The following BCAS1 variants were observed in gnomAD, a reference collection of about 807,000 sequenced individuals.
BCAS1 encodes breast carcinoma-amplified sequence 1.
Under a neutral mutation model 65.4 loss-of-function variants are expected in BCAS1, and 46 were observed. The ratio of observed to expected loss-of-function variants is 0.70; its 90% CI spans 0.55 to 0.90. BCAS1 has a LOEUF of 0.90. Ranked by LOEUF, BCAS1 falls within the 40% of genes least tolerant of loss-of-function variation. The pLI is 0.00. For synonymous variants in BCAS1, 298 were observed against 293.5 expected (o/e 1.02, Z -0.16); for missense variants, 793 against 771.2 (o/e 1.03, Z -0.33).
chr20:53,998,720 C>T (rs2090982973), intron 4 of BCAS1, among the ~76,000 whole-genome samples: 1 of 152,200 alleles, frequency 6.6e-6, no homozygotes, highest in South Asian at 2.1e-4. Context: ...ACATGTACAC[C>T]AGTGCTTTCT....
chr20:53,986,136 A>C (rs2090609811), intron 7 of BCAS1, among the ~76,000 whole-genome samples: 1 of 152,080 alleles, frequency 6.6e-6, no homozygotes, highest in East Asian at 1.9e-4. Flanking sequence ...CCACAATTAA[A>C]ACTTCTTGAA....
chr20:54,022,299 G>T (rs983769827), intron 4 of BCAS1, among the ~76,000 whole-genome samples: 1 of 152,162 alleles, frequency 6.6e-6, no homozygotes. Context: ...GTGTGTGTGT[G>T]TGTGTGTTTC....
In BCAS1 at chr20:53,953,674, T is replaced by G; in HGVS notation, c.1573A>C (p.Thr525Pro). ...SCQTSDSTEK[T>P]ITPPEPEPTG... The stretch of plus-strand genomic sequence containing the variant: ...GGTTCAGGCTCTGGCGGTGTGATAG[T>G]CTTTTCTGTGGAGTCTGATGTCTAC... Residue 525 changes from threonine to proline, a missense_variant, in exon 12 of 13, where the codon ACT (threonine) becomes CCT (proline). Coordinates refer to ENST00000688948, the MANE Select transcript of BCAS1 (RefSeq NM_001366298.2). 1 of 1,613,876 alleles carries G rather than the reference T, an allele frequency of 6.2e-7. No homozygotes were observed. Among genetic ancestry groups the G allele is most frequent in the Non-Finnish European group, 8.5e-7 (1 of 1,179,946 alleles).
At chr20:54,044,940 G>T (rs2146234393) in intron 3 of BCAS1, among the ~76,000 whole-genome samples, 1 of 152,108 alleles carries the variant, frequency 6.6e-6, no homozygotes, top group East Asian at 1.9e-4. Flanking sequence ...GAGGAGTGCT[G>T]TGACTCGTGC....
At chr20:53,996,729 A>T (rs2090925471) in intron 4 of BCAS1, among the ~76,000 whole-genome samples, 1 of 151,752 alleles carries the variant, frequency 6.6e-6, no homozygotes, top group Non-Finnish European at 1.5e-5. Flanking sequence ...TGGGCTCTTG[A>T]CCCTCACAAT....
At chr20:54,064,479 G>A (rs757159694) in intron 1 of BCAS1, among the ~76,000 whole-genome samples, 6 of 152,158 alleles carry the variant, frequency 3.9e-5, no homozygotes, top group Admixed American at 1.3e-4. Context: ...CTTTGCTGAC[G>A]CACTGTTTCG....
At chr20:53,987,119 G>C (rs879846924) in intron 7 of BCAS1, among the ~76,000 whole-genome samples, 5 of 152,164 alleles carry the variant, frequency 3.3e-5, no homozygotes, top group Non-Finnish European at 5.9e-5. Context: ...AAGGATGTTT[G>C]CAAATAACAT....
chr20:54,047,066 A>G (rs1485475602), intron 3 of BCAS1, among the ~76,000 whole-genome samples: 1 of 152,154 alleles, frequency 6.6e-6, no homozygotes, highest in Admixed American at 6.5e-5. Context: ...GTCTTCTTTA[A>G]TCACAGGTCT....
intron 10 of BCAS1, among the ~76,000 whole-genome samples, chr20:53,965,420 T>C (rs2090000726): frequency 6.6e-6 from 1 of 152,232 alleles, no homozygotes; most frequent in East Asian, 1.9e-4. Flanking sequence ...TGTTTTTCAT[T>C]AAAAGAGAAT....
intron 3 of BCAS1, among the ~76,000 whole-genome samples, chr20:54,054,419 G>T (rs992469059): frequency 2.0e-5 from 3 of 152,122 alleles, no homozygotes; most frequent in South Asian, 2.1e-4. Flanking sequence ...ATAGAAATGT[G>T]CATCAAAAGA....
At chr20:54,040,404 C>T (rs6013875) in intron 3 of BCAS1, among the ~76,000 whole-genome samples, 8,746 of 150,990 alleles carry the variant, frequency 0.058, 583 homozygotes, top group African/African-American at 0.13. Context: ...TGTGGAGATA[C>T]GGTTGTGGGG....
chr20:53,952,638 A>G (rs943426958), intron 12 of BCAS1, among the ~76,000 whole-genome samples: 1 of 152,224 alleles, frequency 6.6e-6, no homozygotes, highest in Non-Finnish European at 1.5e-5. Flanking sequence ...TTTTGTAACA[A>G]ATAGCCATGT....
intron 3 of BCAS1, among the ~76,000 whole-genome samples, chr20:54,043,668 A>G (rs904936794): frequency 1.1e-4 from 16 of 152,100 alleles, no homozygotes; most frequent in African/African-American, 3.6e-4. Flanking sequence ...GTGCAAGAAT[A>G]CCCGGGAGGG....
At chr20:53,987,515 T>C (rs7271177) in intron 7 of BCAS1, among the ~76,000 whole-genome samples, 12,174 of 152,246 alleles carry the variant, frequency 0.08, 1,592 homozygotes, top group African/African-American at 0.28. Flanking sequence ...AAGTAGCTTG[T>C]TTTCTTTTTC....
chr20:53,989,160 C>CA (rs2090689100), intron 7 of BCAS1, among the ~76,000 whole-genome samples: 2 of 151,560 alleles, frequency 1.3e-5, no homozygotes, highest in East Asian at 2.0e-4. Flanking sequence ...GTGATTAGGG[C>CA]AAAAAATAGT....
At chr20:53,957,627 C>G in intron 10 of BCAS1, 130 bp from the exon 11 acceptor site, 1 of 774,922 alleles carries the variant, frequency 1.3e-6, no homozygotes. Flanking sequence ...GGAAGGCCAA[C>G]TGGAAACATG....
chr20:54,061,827 G>A (rs1337048217), intron 1 of BCAS1, among the ~76,000 whole-genome samples: 1 of 152,190 alleles, frequency 6.6e-6, no homozygotes, highest in Non-Finnish European at 1.5e-5. Context: ...GCTTCTGTCT[G>A]TTAATGGGAC....
intron 3 of BCAS1, among the ~76,000 whole-genome samples, chr20:54,030,554 C>A (rs2091776756): frequency 7.1e-6 from 1 of 141,114 alleles, no homozygotes. Context: ...ATTGAGATTT[C>A]TTTGATCTAT....
chr20:54,009,229 AC>A (rs1222868010), intron 4 of BCAS1, among the ~76,000 whole-genome samples: 1 of 152,238 alleles, frequency 6.6e-6, no homozygotes, highest in Admixed American at 6.5e-5. Flanking sequence ...TATAAAAATA[AC>A]TAAAATGGAA....
Sources: gnomAD v4.1 joint callset for allele counts (sites outside exome capture counted in the v4.1 genomes callset) on GRCh38, gnomAD v4.1.1 for gene constraint, MANE v1.5 for transcripts, NCBI Gene and HGNC (gene_info 2026-07-23, HGNC 2026-07-21) for gene names.